PDXDC1: variants seen among roughly 807,000 people sequenced by gnomAD.
The protein encoded by PDXDC1 is pyridoxal dependent decarboxylase domain containing 1.
Under a neutral mutation model 100.1 loss-of-function variants are expected in PDXDC1, and 42 were observed. The ratio of observed to expected loss-of-function variants is 0.42; its 90% CI spans 0.33 to 0.54. The LOEUF (loss-of-function observed/expected upper bound fraction) is 0.54, where lower values mean the gene tolerates loss of function less well. Ranked by LOEUF, PDXDC1 falls within the 20% of genes least tolerant of loss-of-function variation. PDXDC1 has a pLI of 0.10. For missense variants in PDXDC1, 636 were observed against 979.2 expected (o/e 0.65, Z 4.68); for synonymous variants, 260 against 371.7 (o/e 0.70, Z 3.46).
rs1367331945 is a variant in PDXDC1, at chr16:15,074,846, TTTC to T, written c.1399+44794_1399+44796del. Reference sequence around the variant, plus strand: ...GGACCAGCCTTTGTTTCATGTTCAGTTTCTTCATCTTCATCCTTTGAAGACAAA... The same window carrying T: ...GGACCAGCCTTTGTTTCATGTTCAGTTTCATCTTCATCCTTTGAAGACAAA... On this transcript the variant is annotated intron_variant, in intron 16 of 16. Coordinates refer to the PDXDC1 transcript ENST00000535621. The T allele has an allele frequency of 1.9e-6, 3 of 1,610,006 alleles. No individual in the cohort carries two copies. In the African/African-American group the frequency reaches 4.0e-5, roughly 22 times the overall value.
Position 15,001,760 on chromosome 16 carries a change from T to C in PDXDC1, c.162-16T>C, listed in dbSNP as rs781253315. 5.9e-5 allele frequency: 95 copies of C among 1,603,270 alleles called. No individual in the cohort carries two copies. The South Asian group carries it at 9.4e-4, about 16-fold the overall frequency. On this transcript the variant is annotated splice_polypyrimidine_tract_variant and intron_variant, in intron 3 of 22. Transcript: ENST00000396410. Reference sequence around the variant, plus strand: ...GTGCTGTTCCCATCAGCCCATCAACTCTTTTTATTCTGCAGTGGGCAAGAT... The same window carrying C: ...GTGCTGTTCCCATCAGCCCATCAACCCTTTTTATTCTGCAGTGGGCAAGAT...
chr16:15,017,582 CATTTT>C (rs1400571135), intron 11 of PDXDC1, among the ~76,000 whole-genome samples, 160 bp downstream of exon 11: 3 of 152,252 alleles, frequency 2.0e-5, no homozygotes, highest in Non-Finnish European at 2.9e-5. Context: ...TTTTTAATGA[CATTTT>C]ATGATTGTAT....
At chr16:15,044,717 C>T in intron 16 of PDXDC1, 1 of 391,966 alleles carries the variant, frequency 2.6e-6, no homozygotes, top group Non-Finnish European at 4.6e-6. Flanking sequence ...GGTGCAGTGG[C>T]TCACATCTGT....
intron 16 of PDXDC1, among the ~76,000 whole-genome samples, chr16:15,083,298 C>A (rs982067679): frequency 1.3e-5 from 2 of 152,076 alleles, no homozygotes; most frequent in Non-Finnish European, 2.9e-5. Context: ...AATGGGGAGG[C>A]TGAGGCAGGA....
At chr16:15,021,254 G>A (rs1393444508) in intron 12 of PDXDC1, among the ~76,000 whole-genome samples, 1 of 152,244 alleles carries the variant, frequency 6.6e-6, no homozygotes, top group East Asian at 1.9e-4. Context: ...GCACACACCT[G>A]TGATCCCAGC....
chr16:15,145,222 G>A, the PDXDC1 span, among the ~76,000 whole-genome samples: 12 of 152,346 alleles, frequency 7.9e-5, no homozygotes, highest in South Asian at 1.2e-3. Flanking sequence ...CCGGCTGTGC[G>A]GGCACAGCAG....
intron 21 of PDXDC1, 31 bp downstream of exon 21, chr16:15,034,584 G>GCTGA (rs768171501): frequency 1.0e-5 from 16 of 1,531,462 alleles, no homozygotes; most frequent in Non-Finnish European, 1.4e-5. Context: ...CCCAGGTCTT[G>GCTGA]CTGACCTTGG....
chr16:15,042,681 T>C (rs2043869090), downstream of PDXDC1, among the ~76,000 whole-genome samples: 1 of 152,146 alleles, frequency 6.6e-6, no homozygotes, highest in African/African-American at 2.4e-5. Flanking sequence ...TCTTAGCATA[T>C]ATTTCCACAA....
chr16:15,137,103 G>T, intron 16 of PDXDC1: 1 of 759,106 alleles, frequency 1.3e-6, no homozygotes, highest in Non-Finnish European at 2.3e-6. Flanking sequence ...ACATAGCGAT[G>T]CGAGGCAGCC....
chr16:14,977,728 A>T (rs1454629236), intron 1 of PDXDC1, among the ~76,000 whole-genome samples: 3 of 152,280 alleles, frequency 2.0e-5, no homozygotes, highest in African/African-American at 7.2e-5. Flanking sequence ...GGTCAAAGTG[A>T]AACATTTAAT....
intron 16 of PDXDC1, among the ~76,000 whole-genome samples, chr16:15,067,679 T>C (rs2045035145): frequency 6.6e-6 from 1 of 151,828 alleles, no homozygotes; most frequent in Admixed American, 6.6e-5. Flanking sequence ...GCCCTTTGGA[T>C]AAGAAGTAGT....
At chr16:15,047,708 G>A (rs1235845840) in intron 16 of PDXDC1, 4 of 890,688 alleles carry the variant, frequency 4.5e-6, no homozygotes, top group Middle Eastern at 2.3e-4. Flanking sequence ...TTCTGACCAG[G>A]ACACCAGGGA....
intron 16 of PDXDC1, among the ~76,000 whole-genome samples, chr16:15,050,365 G>T (rs2044247240): frequency 6.6e-6 from 1 of 152,200 alleles, no homozygotes; most frequent in Non-Finnish European, 1.5e-5. Flanking sequence ...AGACAGTTTT[G>T]CAGTCTTAGT....
At chr16:15,117,528 A>G (rs1230169176) in intron 16 of PDXDC1, among the ~76,000 whole-genome samples, 2 of 151,516 alleles carry the variant, frequency 1.3e-5, no homozygotes, top group Non-Finnish European at 2.9e-5. Context: ...GTGGTGGTCT[A>G]CTAAAAATAC....
chr16:15,098,264 A>C (rs142961299), intron 16 of PDXDC1, among the ~76,000 whole-genome samples: 2,250 of 150,552 alleles, frequency 0.015, 22 homozygotes, highest in Non-Finnish European at 0.024. Flanking sequence ...ACAGTGGCAC[A>C]AGCTCAGCTC....
At position 15,043,912 on chromosome 16, in the gene PDXDC1, C is replaced by A. The variant is rs530670986; in HGVS notation, c.1399+13856C>A. Among the ~76,000 whole-genome samples, 22 of 152,022 alleles carry A rather than the reference C, an allele frequency of 1.4e-4. No homozygotes were observed. In the East Asian group the frequency reaches 3.9e-3, roughly 27 times the overall value. On this transcript the variant is annotated intron_variant, in intron 16 of 16. Transcript: ENST00000535621. ...GCAGTGAGCCGAGATCATGCTACTGCACTCCAACTTGGGCAACAGAGCAAG... is the reference window on the plus strand; with the variant it reads ...GCAGTGAGCCGAGATCATGCTACTGAACTCCAACTTGGGCAACAGAGCAAG...
At position 15,006,311 on chromosome 16, in the gene PDXDC1, A is replaced by G. The variant is rs1262912464; in HGVS notation, c.390-83A>G. The G allele has an allele frequency of 2.9e-5, 38 of 1,323,366 alleles. No individual in the cohort carries two copies. In the Admixed American group the frequency reaches 6.2e-4, roughly 21 times the overall value. The allele number at this position is 1,323,366 out of a possible 1,614,324, so 82.0% of individuals were successfully genotyped here. A position where few individuals can be genotyped will look rare whatever the true frequency, so the allele number is the denominator to read the frequency against. ...AAAGTGACAATTCCTAGCTTGAGAA[A>G]AGAATTGTCTCCATGATTATAAGGT... On this transcript the variant is annotated intron_variant, in intron 5 of 22. Transcript: ENST00000396410.
downstream of PDXDC1, among the ~76,000 whole-genome samples, chr16:15,042,345 C>T (rs1422609710): frequency 1.3e-5 from 2 of 151,920 alleles, no homozygotes; most frequent in African/African-American, 4.8e-5. Flanking sequence ...GCCACCATGC[C>T]TGGCTAATTT....
downstream of PDXDC1, among the ~76,000 whole-genome samples, chr16:15,141,121 C>T (rs551025134): frequency 4.5e-4 from 62 of 136,468 alleles, 1 homozygote; most frequent in Non-Finnish European, 1.4e-4. Context: ...ACCCGCCCAG[C>T]CCCTGCCGGC....
Sources: allele counts gnomAD v4.1 joint callset (sites outside exome capture counted in the v4.1 genomes callset), GRCh38; gene constraint gnomAD v4.1.1; transcripts MANE v1.5; gene names NCBI Gene and HGNC (gene_info 2026-07-23, HGNC 2026-07-21).